AGRN: variants seen among roughly 807,000 people sequenced by gnomAD.
The protein encoded by AGRN is agrin proteoglycan.
In AGRN, 106 loss-of-function variants were observed where a neutral mutation model predicts 211.0. That is an observed-to-expected ratio of 0.50 (90% CI 0.43 to 0.59). The LOEUF (loss-of-function observed/expected upper bound fraction) is 0.59. Ranked by LOEUF, AGRN falls within the 20% of genes least tolerant of loss-of-function variation. The pLI is 0.00. For missense variants in AGRN, 3,040 were observed against 2,982.6 expected (o/e 1.02, Z -0.45); for synonymous variants, 1,525 against 1,332.5 (o/e 1.14, Z -3.15).
rs545637281 is a variant in AGRN at position 1,052,794 on chromosome 1, ATG to A, written c.5652-951_5652-950del. 6.7e-4 allele frequency: 93 copies of A among 138,324 alleles called. 1 individual carries two copies. The South Asian group carries it at 0.021, about 31-fold the overall frequency. The allele number at this position is 138,324 out of a possible 1,614,324, so 8.6% of individuals were successfully genotyped here. Reference sequence around the variant, plus strand: ...ATAGTGTGTGCACATGGGTCCATGTATGTGTGTGTATATGAGGGAGACACGCA... The same window carrying A: ...ATAGTGTGTGCACATGGGTCCATGTATGTGTGTATATGAGGGAGACACGCA... On this transcript the variant is annotated intron_variant, in intron 33 of 35. Coordinates refer to ENST00000379370, the MANE Select transcript of AGRN (RefSeq NM_198576.4).
chr1:1,034,982 C>T (rs1644766459), intron 2 of AGRN: 6 of 544,644 alleles, frequency 1.1e-5, no homozygotes, highest in Admixed American at 6.2e-5. Context: ...GCAGGACCTG[C>T]GGTGGACTCT....
Position 1,048,092 on chromosome 1 carries a change from C to T in AGRN, c.3832C>T (p.Arg1278Cys), listed in dbSNP as rs757377436. Residue 1278 changes from arginine to cysteine, a missense_variant, in exon 23 of 36, where the codon CGC becomes TGC. Physicochemically the swap from Arg to Cys is radical, Grantham distance 180 (BLOSUM62 -3). Around this residue, in one of 3 missense-constraint regions of AGRN, gnomAD observed 1,537 missense variants for 1,505.0 expected, o/e 1.02. Transcript: ENST00000379370. The surrounding 1 kb of genome is among the most constrained non-coding windows in gnomAD (Gnocchi z 5.9). ...GATARATTAS[R>C]LPSSAVTPRA... ...CACGGCCAGAGCCACCACTGCATCG[C>T]GCCTGCCGTCCTCTGCTGTGACCCC... 1.2e-5 allele frequency: 19 copies of T among 1,573,240 alleles called. No individual in the cohort carries two copies. The highest frequency in any genetic ancestry group is 5.4e-5 in the African/African-American group (4 of 74,322).
chr1:1,039,448 T>A (rs1394655265), intron 3 of AGRN, among the ~76,000 whole-genome samples: 1 of 151,654 alleles, frequency 6.6e-6, no homozygotes, highest in Middle Eastern at 3.2e-3. Flanking sequence ...ACGAGCCTGC[T>A]GGGAAGTGAT....
In AGRN at chr1:1,022,362, C is replaced by G. The variant is rs138696597; in HGVS notation, c.363C>G (p.Pro121=). The G allele has an allele frequency of 2.5e-6, 4 of 1,613,392 alleles. No individual in the cohort carries two copies. Among genetic ancestry groups the G allele is most frequent in the Non-Finnish European group, 3.4e-6 (4 of 1,180,004 alleles). Residue 121 remains proline (P), a synonymous_variant, in exon 2 of 36, where the codon CCC becomes CCG. Coordinates refer to ENST00000379370, the MANE Select transcript of AGRN (RefSeq NM_198576.4). ...DTRIFFVNPA[P]PYLWPAHKNE... is the part of the protein sequence containing the mutation. ...GGATCTTCTTTGTGAACCCTGCACC[C>G]CCATACCTGTGGCCAGCCCACAAGA...
Position 1,044,188 on chromosome 1 carries a change from C to T in AGRN, c.2079C>T (p.Ile693=). ...AGCTGTGCCGGCAGCGCGGTGGCAT[C>T]TGGGACGAGGACTCGGAGGACGGGC... ...EQELCRQRGG[I]WDEDSEDGPC... The change falls in exon 11 of 36, where the codon ATC becomes ATT. Residue 693 remains isoleucine, a synonymous_variant. Coordinates refer to ENST00000379370, the MANE Select transcript of AGRN (RefSeq NM_198576.4). The T allele has an allele frequency of 6.2e-7, 1 of 1,613,242 alleles. No homozygotes were observed. Among genetic ancestry groups the T allele is most frequent in the Non-Finnish European group, 8.5e-7 (1 of 1,179,922 alleles).
At chr1:1,044,862 C>T (rs1260764676) in intron 12 of AGRN, among the ~76,000 whole-genome samples, 1 of 152,208 alleles carries the variant, frequency 6.6e-6, no homozygotes, top group Non-Finnish European at 1.5e-5. Flanking sequence ...CTGACGTCTT[C>T]AGATGTCTGT....
Position 1,021,056 on chromosome 1 carries a change from G to T in AGRN, c.201+683G>T, listed in dbSNP as rs537810349. 1.3e-4 allele frequency among the ~76,000 whole-genome samples: 20 copies of T among 152,218 alleles called. 1 individual carries two copies. In the South Asian group the frequency reaches 4.1e-3, roughly 32 times the overall value. Reference sequence around the variant, plus strand: ...ACCCCCACCATCTTCTCCTAGTAGGGGCTCGGGGGACCCAGAGCCGGCGCC... The same window carrying T: ...ACCCCCACCATCTTCTCCTAGTAGGTGCTCGGGGGACCCAGAGCCGGCGCC... On this transcript the variant is annotated intron_variant, in intron 1 of 35. Coordinates refer to ENST00000379370, the MANE Select transcript of AGRN (RefSeq NM_198576.4).
At position 1,041,665 on chromosome 1, in the gene AGRN, C is replaced by T. The variant is rs2100635687; in HGVS notation, c.1140C>T (p.Leu380=). 5 of 1,611,044 alleles carry T rather than the reference C, an allele frequency of 3.1e-6. No homozygotes were observed. The highest frequency in any genetic ancestry group is 2.2e-5 in the East Asian group (1 of 44,814). ...GATCGGGGGCCGCCCGGGGTCTCCT[C>T]CTGCAGAAAGTGCGCTCCGGCCAGT... is the stretch of plus-strand genomic sequence containing the variant. The part of the protein sequence containing the change: ...MGRSGAARGL[L]LQKVRSGQCQ... The change falls in exon 6 of 36, where the codon CTC becomes CTT. Residue 380 remains leucine, a synonymous_variant. Transcript: ENST00000379370.
chr1:1,040,545 C>T lies in AGRN; in HGVS notation c.512-120C>T, dbSNP rs1483226158. ...ACGCGTGTCCGTGTCCGTGGTGGACCCCCGATGCGGCGCGGGGGCGGGTGA... is the reference window on the plus strand; with the variant it reads ...ACGCGTGTCCGTGTCCGTGGTGGACTCCCGATGCGGCGCGGGGGCGGGTGA... On this transcript the variant is annotated intron_variant, in intron 3 of 35. Coordinates refer to ENST00000379370, the MANE Select transcript of AGRN (RefSeq NM_198576.4). 5.7e-6 allele frequency: 7 copies of T among 1,231,176 alleles called. No homozygotes were observed. The African/African-American group carries it at 1.0e-4, about 18-fold the overall frequency. The allele number at this position is 1,231,176 out of a possible 1,614,324, so 76.3% of individuals were successfully genotyped here. A position where few individuals can be genotyped will look rare whatever the true frequency, so the allele number is the denominator to read the frequency against.
chr1:1,024,814 C>T (rs938454250), intron 2 of AGRN, among the ~76,000 whole-genome samples: 1 of 152,180 alleles, frequency 6.6e-6, no homozygotes, highest in Admixed American at 6.5e-5. Flanking sequence ...GAGCCACATT[C>T]CTGGCATAAC....
intron 30 of AGRN, 147 bp downstream of exon 30, chr1:1,050,984 C>T (rs915638769): frequency 5.2e-6 from 8 of 1,550,394 alleles, no homozygotes; most frequent in Non-Finnish European, 6.1e-6. Context: ...CTCTGCCTCC[C>T]TGCTCTCTGC....
Position 1,046,609 on chromosome 1 carries a change from C to T in AGRN, c.3124C>T (p.Pro1042Ser). The change falls in exon 18 of 36, where the codon CCC (proline) becomes TCC (serine). Residue 1042 changes from proline (P) to serine (S), a missense_variant. Transcript: ENST00000379370. ...CACCGTGTGGCCCGTGCTGACGGTG[C>T]CCCCCACGGCACCCTCCCCTGCACC... ...RTTVWPVLTV[P>S]PTAPSPAPSL... The T allele has an allele frequency of 6.2e-7, 1 of 1,603,550 alleles. No homozygotes were observed. Among genetic ancestry groups the T allele is most frequent in the Non-Finnish European group, 8.5e-7 (1 of 1,179,154 alleles).
In AGRN at chr1:1,043,267, G is replaced by T; in HGVS notation, c.1413G>T (p.Val471=). The T allele has an allele frequency of 6.2e-7, 1 of 1,610,836 alleles. No homozygotes were observed. The change falls in exon 8 of 36, where the codon GTG becomes GTT. Residue 471 remains valine (V), a synonymous_variant. Coordinates refer to ENST00000379370, the MANE Select transcript of AGRN (RefSeq NM_198576.4). ...AGGCCCCGTCCCCATGCCTCGGGGT[G>T]CAGTGTGCATTTGGGGCGACGTGTG... ...CDQAPSPCLG[V]QCAFGATCAV...
intron 2 of AGRN, among the ~76,000 whole-genome samples, chr1:1,023,418 G>A (rs1416480529): frequency 6.6e-6 from 1 of 152,202 alleles, no homozygotes; most frequent in Non-Finnish European, 1.5e-5. Flanking sequence ...GTGGTCAGTG[G>A]TCCCCAAGCT....
At chr1:1,053,193 GT>G in intron 33 of AGRN, 1 of 292,558 alleles carries the variant, frequency 3.4e-6, no homozygotes, top group South Asian at 2.8e-5. Flanking sequence ...CTGCACGTGG[GT>G]GTCTGCACGT....
chr1:1,025,098 G>T (rs1414310690), intron 2 of AGRN, among the ~76,000 whole-genome samples: 1 of 152,176 alleles, frequency 6.6e-6, no homozygotes, highest in Non-Finnish European at 1.5e-5. Flanking sequence ...CTGAGGGCCG[G>T]CCAGGCCGCC....
Position 1,022,586 on chromosome 1 carries a change from C to CTTGTAGTCTGACCTGTGGTCTGA in AGRN, c.463+128_463+129insAGTCTGACCTGTGGTCTGATTGT, listed in dbSNP as rs1339728609. 4.4e-5 allele frequency: 18 copies of CTTGTAGTCTGACCTGTGGTCTGA among 408,222 alleles called. No homozygotes were observed. The African/African-American group carries it at 6.7e-4, about 15-fold the overall frequency. The allele number at this position is 408,222 out of a possible 1,614,324, so 25.3% of individuals were successfully genotyped here. On this transcript the variant is annotated intron_variant, in intron 2 of 35. Coordinates refer to ENST00000379370, the MANE Select transcript of AGRN (RefSeq NM_198576.4). ...TGCCGGAGGCTGCAGCACACGGTGT[C>CTTGTAGTCTGACCTGTGGTCTGA]TTGTGGTCCAACCTCATTCTCTGCT...
At chr1:1,053,661 G>A (rs1442200757) in intron 33 of AGRN, 92 bp from the exon 34 acceptor site, 1 of 1,499,308 alleles carries the variant, frequency 6.7e-7, no homozygotes, top group South Asian at 1.2e-5. Context: ...AGCCCTTGTG[G>A]CCTCCGCAGC....
intron 3 of AGRN, among the ~76,000 whole-genome samples, chr1:1,037,270 C>T (rs567163484): frequency 9.3e-4 from 141 of 152,316 alleles, no homozygotes; most frequent in Non-Finnish European, 1.8e-3. Flanking sequence ...CTCTTAGCAT[C>T]CTCAGCCTCG....
Sources: gnomAD v4.1 joint callset for allele counts (sites outside exome capture counted in the v4.1 genomes callset) on GRCh38, gnomAD v4.1.1 for gene constraint, gnomAD v4.1.1 regional missense constraint, Gnocchi (gnomAD v3.1) non-coding constraint, MANE v1.5 for transcripts, NCBI Gene and HGNC (gene_info 2026-07-23, HGNC 2026-07-21) for gene names.